Variants in PACRG observed in about 807,000 individuals in gnomAD.
PACRG encodes parkin coregulated gene protein.
Under a neutral mutation model 29.7 loss-of-function variants are expected in PACRG, and 29 were observed. The ratio of observed to expected loss-of-function variants is 0.98; its 90% CI spans 0.73 to 1.33. PACRG has a LOEUF of 1.33. Among genes scored for constraint, PACRG ranks in the 40% most tolerant of loss-of-function variants. The probability of loss-of-function intolerance (pLI) is 0.00; values close to 1 mark genes in which losing one functional copy is unlikely to be tolerated. For missense variants in PACRG, 279 were observed against 316.2 expected, an observed-to-expected ratio of 0.88 and a Z score of 0.89; for synonymous variants, 116 against 118.7, an observed-to-expected ratio of 0.98 and a Z score of 0.15.
At chr6:162,909,418 G>C (rs925959318) in intron 2 of PACRG, among the ~76,000 whole-genome samples, 6 of 152,012 alleles carry the variant, frequency 3.9e-5, no homozygotes, top group Middle Eastern at 3.2e-3. Context: ...AGCCAGGCGT[G>C]GTGGAGGGCA....
rs747581091 is a variant in PACRG, at chr6:162,814,173, A to G, written c.183A>G (p.Ala61=). 20 of 1,612,340 alleles carry G rather than the reference A, an allele frequency of 1.2e-5. No individual in the cohort carries two copies. Among genetic ancestry groups the G allele is most frequent in the Non-Finnish European group, 1.6e-5 (19 of 1,179,082 alleles). The change falls in exon 2 of 5, where the codon GCA becomes GCG. Residue 61 remains alanine, a synonymous_variant. Coordinates refer to ENST00000366888, the MANE Select transcript of PACRG (RefSeq NM_001080379.2). ...SVVRGPPAAG[A]FKERPTKPTA... ...TGAGAGGCCCTCCAGCTGCAGGGGC[A>G]TTTAAAGAAAGACCAACCAAGCCCA...
At chr6:162,973,322 G>A (rs951216008) in intron 2 of PACRG, among the ~76,000 whole-genome samples, 4 of 152,224 alleles carry the variant, frequency 2.6e-5, no homozygotes, top group Admixed American at 6.5e-5. Flanking sequence ...CTGCTGACTT[G>A]AAAGCCAGAC....
chr6:162,966,910 TAAGG>T (rs1212930173), intron 2 of PACRG, among the ~76,000 whole-genome samples: 3 of 152,202 alleles, frequency 2.0e-5, no homozygotes, highest in Non-Finnish European at 4.4e-5. Flanking sequence ...TTCTGGCTCA[TAAGG>T]AAGAGAAATT....
chr6:162,911,447 A>G (rs1288007290), intron 2 of PACRG, among the ~76,000 whole-genome samples: 2 of 152,246 alleles, frequency 1.3e-5, no homozygotes, highest in Admixed American at 6.5e-5. Context: ...AAGTTACTTA[A>G]CTGAAGTTAT....
At chr6:162,886,704 T>C (rs13202023) in intron 2 of PACRG, among the ~76,000 whole-genome samples, 31,834 of 152,134 alleles carry the variant, frequency 0.21, 4,738 homozygotes, top group African/African-American at 0.41. Context: ...GATTTTGAGG[T>C]CTTATTTTTG....
At chr6:162,880,437 C>G (rs1240669826) in intron 2 of PACRG, among the ~76,000 whole-genome samples, 1 of 152,060 alleles carries the variant, frequency 6.6e-6, no homozygotes, top group Non-Finnish European at 1.5e-5. Context: ...ATAGAAAGAG[C>G]AAAGGAACAA....
intron 4 of PACRG, among the ~76,000 whole-genome samples, chr6:163,202,524 T>C (rs1293807012): frequency 6.6e-6 from 1 of 152,168 alleles, no homozygotes; most frequent in East Asian, 1.9e-4. Flanking sequence ...CCCCACATTC[T>C]GCCAGCAGTA....
Position 163,051,012 on chromosome 6 carries a change from C to T in PACRG, c.292-11138C>T, listed in dbSNP as rs143304681. ...GGGAGCATCCCGGGTCTTGGGACTC[C>T]CTGCGATCTTTTCCATTGCTTTACC... On this transcript the variant is annotated intron_variant, in intron 2 of 4. Coordinates refer to ENST00000366888, the MANE Select transcript of PACRG (RefSeq NM_001080379.2). 4.5e-4 allele frequency among the ~76,000 whole-genome samples: 69 copies of T among 152,292 alleles called. 2 individuals carry two copies. The East Asian group carries it at 0.013, about 29-fold the overall frequency.
At chr6:163,261,473 C>T (rs1783323472) in intron 4 of PACRG, among the ~76,000 whole-genome samples, 1 of 152,092 alleles carries the variant, frequency 6.6e-6, no homozygotes, top group Non-Finnish European at 1.5e-5. Flanking sequence ...CTCCCTCATA[C>T]CCTCTTTGCT....
chr6:162,749,363 A>C (rs1393979980), intron 1 of PACRG, among the ~76,000 whole-genome samples: 2 of 152,218 alleles, frequency 1.3e-5, no homozygotes, highest in Admixed American at 6.5e-5. Context: ...CGGCTGGCAC[A>C]TGAAGTTATT....
At chr6:163,215,343 G>A (rs1485049448) in intron 4 of PACRG, among the ~76,000 whole-genome samples, 1 of 152,084 alleles carries the variant, frequency 6.6e-6, no homozygotes, top group Admixed American at 6.5e-5. Flanking sequence ...TGCTTCTAAC[G>A]CCATCTTGGC....
At chr6:162,872,067 A>G (rs551762483) in intron 2 of PACRG, among the ~76,000 whole-genome samples, 2 of 152,380 alleles carry the variant, frequency 1.3e-5, no homozygotes, top group Admixed American at 1.3e-4. Context: ...TCTAACAATA[A>G]CTACAAAATG....
chr6:163,128,146 A>T (rs1562930611), intron 4 of PACRG, among the ~76,000 whole-genome samples: 2 of 152,232 alleles, frequency 1.3e-5, no homozygotes, highest in Non-Finnish European at 2.9e-5. Context: ...TTAAAATTGG[A>T]TGAAATTGAG....
chr6:163,163,537 G>A (rs1363578283), intron 4 of PACRG, among the ~76,000 whole-genome samples: 1 of 152,212 alleles, frequency 6.6e-6, no homozygotes, highest in Non-Finnish European at 1.5e-5. Context: ...CTCACAAAGT[G>A]CTGGGATTAC....
chr6:162,860,370 G>C (rs1791763253), intron 2 of PACRG, among the ~76,000 whole-genome samples: 1 of 152,116 alleles, frequency 6.6e-6, no homozygotes, highest in Non-Finnish European at 1.5e-5. Flanking sequence ...AAATAAAAAT[G>C]GTACAGAAAA....
intron 4 of PACRG, among the ~76,000 whole-genome samples, chr6:163,289,277 T>A (rs1784499890): frequency 6.6e-6 from 1 of 152,244 alleles, no homozygotes; most frequent in South Asian, 2.1e-4. Flanking sequence ...CTGGCTCTCC[T>A]GATTTGGCAT....
chr6:162,765,455 C>T (rs1456431426), intron 1 of PACRG, among the ~76,000 whole-genome samples: 9 of 152,110 alleles, frequency 5.9e-5, no homozygotes, highest in Non-Finnish European at 1.3e-4. Context: ...ATGGCTCTCT[C>T]AACAGTGAGA....
At chr6:162,741,706 G>C (rs1055453258) in intron 1 of PACRG, among the ~76,000 whole-genome samples, 1 of 152,186 alleles carries the variant, frequency 6.6e-6, no homozygotes, top group Non-Finnish European at 1.5e-5. Flanking sequence ...TGGGATTGCT[G>C]TGTTTGGCTC....
chr6:163,080,335 G>A (rs1324384891), intron 3 of PACRG, among the ~76,000 whole-genome samples: 1 of 152,028 alleles, frequency 6.6e-6, no homozygotes, highest in African/African-American at 2.4e-5. Context: ...CACAATTTAG[G>A]TACAGAGGAG....
Sources: allele counts gnomAD v4.1 joint callset (sites outside exome capture counted in the v4.1 genomes callset), GRCh38; gene constraint gnomAD v4.1.1; transcripts MANE v1.5; gene names NCBI Gene and HGNC (gene_info 2026-07-23, HGNC 2026-07-21).